THADA: variants seen among roughly 807,000 people sequenced by gnomAD.
The protein encoded by THADA is THADA armadillo repeat containing, also known as tRNA (32-2'-O)-methyltransferase regulator THADA.
In THADA, 213 loss-of-function variants were observed where a neutral mutation model predicts 219.8. The ratio of observed to expected loss-of-function variants is 0.97; its 90% CI spans 0.87 to 1.09. THADA has a LOEUF of 1.09. Among genes scored for constraint, THADA ranks in the 50% least tolerant of loss-of-function variants. THADA has a pLI of 0.00. For missense variants in THADA, 2,956 were observed against 2,311.3 expected (o/e 1.28, Z -5.72); for synonymous variants, 1,018 against 828.9 (o/e 1.23, Z -3.92).
In THADA at chr2:43,574,872, G is replaced by A; in HGVS notation, c.1193C>T (p.Thr398Ile). The change falls in exon 11 of 38, where the codon ACC (threonine) becomes ATC (isoleucine). Residue 398 changes from threonine (T) to isoleucine (I), a missense_variant. Thr to Ile is a moderately conservative substitution (Grantham distance 89). Transcript: ENST00000405975. ...AGCATCCAATGGATGTTCCCAATGG[G>A]TATAGACATATTCCAAAAGTCTCCC... The part of the protein sequence containing the change: ...IVGRLLEYVY[T>I]HWEHPLDALR... The A allele has an allele frequency of 1.2e-6, 2 of 1,613,956 alleles. No homozygotes were observed. The highest frequency in any genetic ancestry group is 2.2e-5 in the East Asian group (1 of 44,880).
chr2:43,578,646 T>C (rs781667654), intron 8 of THADA, 39 bp from the exon 9 acceptor site: 3 of 1,452,518 alleles, frequency 2.1e-6, no homozygotes, highest in East Asian at 4.7e-5. Flanking sequence ...TGTTAAATAA[T>C]GAATATTCTG....
rs141195177 is a variant in THADA at position 43,344,194 on chromosome 2, G to A, written c.4271C>T (p.Thr1424Met). Residue 1424 changes from threonine to methionine, a missense_variant, in exon 30 of 38, where the codon ACG becomes ATG. By Grantham distance (81) the Thr-to-Met change is moderately conservative. Coordinates refer to ENST00000405975, the MANE Select transcript of THADA (RefSeq NM_022065.5). ...LQAYSDSKHG[T>M]NSDFQHELTD... is the part of the protein sequence containing the mutation. Reference sequence around the variant, plus strand: ...CAGCTCGTGCTGGAAGTCTGAATTCGTTCCGTGTTTGGAGTCTGAGTAGGC... The same window carrying A: ...CAGCTCGTGCTGGAAGTCTGAATTCATTCCGTGTTTGGAGTCTGAGTAGGC... 3.7e-5 allele frequency: 60 copies of A among 1,612,522 alleles called. No individual in the cohort carries two copies. The highest frequency in any genetic ancestry group is 1.1e-4 in the East Asian group (5 of 44,874).
chr2:43,297,240 G>C (rs1675544054), intron 31 of THADA, among the ~76,000 whole-genome samples: 1 of 110,216 alleles, frequency 9.1e-6, no homozygotes, highest in African/African-American at 4.5e-5. Context: ...GACCCCGTCT[G>C]GGAGGTGAGG....
intron 29 of THADA, among the ~76,000 whole-genome samples, chr2:43,394,268 G>A (rs533041986): frequency 1.4e-4 from 21 of 152,276 alleles, no homozygotes; most frequent in Non-Finnish European, 1.8e-4. Context: ...AATCCCACAT[G>A]TTCTTTTTTG....
At chr2:43,512,548 G>C (rs935481845) in intron 22 of THADA, among the ~76,000 whole-genome samples, 10 of 152,206 alleles carry the variant, frequency 6.6e-5, no homozygotes, top group Non-Finnish European at 1.5e-4. Flanking sequence ...TCTTGCCCAG[G>C]TTGGAGTGCA....
At position 43,293,156 on chromosome 2, in the gene THADA, A is replaced by G; in HGVS notation, c.4496T>C (p.Leu1499Pro). The change falls in exon 32 of 38, where the codon CTG (leucine) becomes CCG (proline). Residue 1499 changes from leucine to proline, a missense_variant. By Grantham distance (98) the Leu-to-Pro change is moderately conservative. Transcript: ENST00000405975. ...GAAGGCCCAAGGGAATCCCGTTATC[A>G]GCTCTGATCCTGAGATAATCCCTCT... is the stretch of plus-strand genomic sequence containing the variant. Reference protein sequence around the residue: ...EVRGIISGSELITGFPWAFKV... With the variant: ...EVRGIISGSEPITGFPWAFKV... 6.2e-7 allele frequency: 1 copy of G among 1,614,014 alleles called. No homozygotes were observed. The highest frequency in any genetic ancestry group is 8.5e-7 in the Non-Finnish European group (1 of 1,179,892).
intron 28 of THADA, among the ~76,000 whole-genome samples, chr2:43,402,048 T>C (rs1165590889): frequency 6.6e-6 from 1 of 152,134 alleles, no homozygotes; most frequent in Non-Finnish European, 1.5e-5. Context: ...TGCACACAAT[T>C]TCCCACACAG....
At chr2:43,473,445 T>C (rs978974220) in intron 26 of THADA, among the ~76,000 whole-genome samples, 1 of 152,132 alleles carries the variant, frequency 6.6e-6, no homozygotes, top group Non-Finnish European at 1.5e-5. Context: ...CACCCTCTTC[T>C]GGATACCCCC....
At chr2:43,539,890 G>T (rs778789630) in intron 21 of THADA, among the ~76,000 whole-genome samples, 18 of 151,744 alleles carry the variant, frequency 1.2e-4, no homozygotes, top group African/African-American at 3.9e-4. Flanking sequence ...ATAAGATTTG[G>T]GTGCTATGTG....
chr2:43,374,179 A>G (rs935340939), intron 29 of THADA, among the ~76,000 whole-genome samples: 2 of 152,256 alleles, frequency 1.3e-5, no homozygotes, highest in Non-Finnish European at 2.9e-5. Flanking sequence ...TATAATATTC[A>G]GCCCAATCAA....
intron 28 of THADA, among the ~76,000 whole-genome samples, chr2:43,415,893 T>C (rs1558725107): frequency 6.6e-6 from 1 of 151,910 alleles, no homozygotes; most frequent in Non-Finnish European, 1.5e-5. Flanking sequence ...CTCTCTCTAG[T>C]CAAGCTTTTC....
intron 31 of THADA, among the ~76,000 whole-genome samples, chr2:43,311,972 GAGGGCTGCTTAAGCCCAGA>G (rs559886932): frequency 7.4e-4 from 112 of 152,358 alleles, no homozygotes; most frequent in Non-Finnish European, 1.2e-3. Context: ...GCCGAGGCAG[GAGGGCTGCTTAAGCCCAGA>G]AGTTTGAGAC....
intron 26 of THADA, among the ~76,000 whole-genome samples, chr2:43,436,658 C>T (rs1236301967): frequency 6.6e-6 from 1 of 152,154 alleles, no homozygotes; most frequent in East Asian, 1.9e-4. Flanking sequence ...GTTGGAATGA[C>T]TGTACTTAAG....
At chr2:43,552,458 T>A in intron 17 of THADA, 119 bp from the exon 18 acceptor site, 1 of 1,108,492 alleles carries the variant, frequency 9.0e-7, no homozygotes, top group South Asian at 1.7e-5. Context: ...ACTAGAGTTT[T>A]TTAATCAAAA....
intron 28 of THADA, among the ~76,000 whole-genome samples, chr2:43,412,705 CA>C (rs1234928720): frequency 6.6e-6 from 1 of 152,204 alleles, no homozygotes; most frequent in African/African-American, 2.4e-5. Context: ...ACACCTTCCA[CA>C]CCAGACTGCT....
At position 43,396,002 on chromosome 2, in the gene THADA, C is replaced by G. The variant is rs112147389; in HGVS notation, c.4227+1969G>C. 8.7e-3 allele frequency among the ~76,000 whole-genome samples: 1,326 copies of G among 152,326 alleles called. 18 individuals are homozygous for G. The highest frequency in any genetic ancestry group is 0.03 in the African/African-American group (1,261 of 41,558). ...GAACTCCTGGCCTCAAGTGATCTGT[C>G]CAGCTCAGCCTCCCAAAGTGCTGGG... On this transcript the variant is annotated intron_variant, in intron 29 of 37. Transcript: ENST00000405975.
At position 43,320,548 on chromosome 2, in the gene THADA, G is replaced by C. The variant is rs1193034015; in HGVS notation, c.4344-8C>G. 1 of 1,601,452 alleles carries C rather than the reference G, an allele frequency of 6.2e-7. No homozygotes were observed. The highest frequency in any genetic ancestry group is 8.5e-7 in the Non-Finnish European group (1 of 1,171,392). On this transcript the variant is annotated splice_polypyrimidine_tract_variant and splice_region_variant and intron_variant, in intron 30 of 37. Coordinates refer to ENST00000405975, the MANE Select transcript of THADA (RefSeq NM_022065.5). ...ACCAAACATGGATTTTGCCTAGAAA[G>C]GTAAAGAACAGAATATAAATTGAGA...
chr2:43,548,250 C>A (rs1275486420), intron 20 of THADA, among the ~76,000 whole-genome samples: 2 of 152,184 alleles, frequency 1.3e-5, no homozygotes. Flanking sequence ...GGGTACCCGG[C>A]CATGTGAGGT....
rs184508878 is a variant in THADA at position 43,473,374 on chromosome 2, C to T, written c.3836+11860G>A. ...TCAATATCCCACCTCTACATTCTGT[C>T]GCACTGAAAGGTCATCAGGAGCAAT... On this transcript the variant is annotated intron_variant, in intron 26 of 37. Coordinates refer to ENST00000405975, the MANE Select transcript of THADA (RefSeq NM_022065.5). Among the ~76,000 whole-genome samples the T allele has an allele frequency of 4.5e-3, 690 of 152,186 alleles. 7 individuals are homozygous for T. The highest frequency in any genetic ancestry group is 0.023 in the South Asian group (111 of 4,814).
Sources: gnomAD v4.1 joint callset for allele counts (sites outside exome capture counted in the v4.1 genomes callset) on GRCh38, gnomAD v4.1.1 for gene constraint, MANE v1.5 for transcripts, NCBI Gene and HGNC (gene_info 2026-07-23, HGNC 2026-07-21) for gene names.